Variants in CCDC157 observed in about 807,000 individuals in gnomAD.
CCDC157 encodes the protein coiled-coil domain containing 157.
Under a neutral mutation model 70.9 loss-of-function variants are expected in CCDC157, and 60 were observed. The ratio of observed to expected loss-of-function variants is 0.85; its 90% CI spans 0.69 to 1.05. The LOEUF is 1.05. Among genes scored for constraint, CCDC157 ranks in the 50% least tolerant of loss-of-function variants. The pLI is 0.00. For synonymous variants in CCDC157, 373 were observed against 422.4 expected (o/e 0.88, Z 1.43); for missense variants, 943 against 984.2 (o/e 0.96, Z 0.56).
rs569921570 is a variant in CCDC157 at position 30,373,655 on chromosome 22, G to A, written c.1394G>A (p.Arg465His). The A allele has an allele frequency of 2.6e-5, 41 of 1,558,542 alleles. No homozygotes were observed. Among genetic ancestry groups the A allele is most frequent in the African/African-American group, 9.5e-5 (7 of 73,600 alleles). The change falls in exon 8 of 12, where the codon CGT (arginine) becomes CAT (histidine). Residue 465 changes from arginine to histidine, a missense_variant. Physicochemically the swap from Arg to His is conservative, Grantham distance 29. Coordinates refer to ENST00000338306, the MANE Select transcript of CCDC157 (RefSeq NM_001017437.5). ...LKQLDSLDQE[R>H]EELRGSLDEA... Reference sequence around the variant, plus strand: ...CAGCTGGACAGCCTGGACCAGGAACGTGAGGAGCTGCGGGGCAGCCTGGAC... The same window carrying A: ...CAGCTGGACAGCCTGGACCAGGAACATGAGGAGCTGCGGGGCAGCCTGGAC...
chr22:30,374,225 G>A (rs532239139), intron 9 of CCDC157, 134 bp downstream of exon 9: 499 of 1,100,796 alleles, frequency 4.5e-4, no homozygotes, highest in Non-Finnish European at 6.1e-4. Flanking sequence ...GGCCAGCAGC[G>A]CAGCCCCTGT....
chr22:30,364,319 C>A (rs1198961401), intron 2 of CCDC157, among the ~76,000 whole-genome samples: 3 of 151,844 alleles, frequency 2.0e-5, no homozygotes, highest in Admixed American at 1.3e-4. Flanking sequence ...GCCTGGGTGA[C>A]AGAGACCATG....
At chr22:30,366,307 G>C in intron 3 of CCDC157, 59 bp downstream of exon 3, 1 of 1,603,240 alleles carries the variant, frequency 6.2e-7, no homozygotes. Context: ...CCTGAAACCA[G>C]TGGCAGCTAC....
At chr22:30,369,917 C>T (rs1206831840) in intron 4 of CCDC157, 6 of 461,388 alleles carry the variant, frequency 1.3e-5, no homozygotes, top group South Asian at 3.6e-5. Flanking sequence ...TGGGCTATCC[C>T]GTAATCCACA....
chr22:30,369,447 T>G lies in CCDC157; in HGVS notation c.264T>G (p.Leu88=). 1 of 1,534,202 alleles carries G rather than the reference T, an allele frequency of 6.5e-7. No homozygotes were observed. Among genetic ancestry groups the G allele is most frequent in the Non-Finnish European group, 8.8e-7 (1 of 1,136,124 alleles). ...ELVIDRLLLL[L]QSCMSYLENL... ...CTGCCCGCAGGCTCCTGCTGCTGCT[T>G]CAAAGCTGTATGAGCTACTTGGAGA... The change falls in exon 4 of 12, where the codon CTT becomes CTG. Residue 88 remains leucine, a synonymous_variant. Transcript: ENST00000338306.
chr22:30,375,957 G>T, intron 10 of CCDC157: 1 of 537,996 alleles, frequency 1.9e-6, no homozygotes, highest in Non-Finnish European at 3.3e-6. Context: ...AGAGGCTGAG[G>T]CGGGCAGATC....
In CCDC157 at chr22:30,370,920, T is replaced by C. The variant is rs1187060506; in HGVS notation, c.1015T>C (p.Trp339Arg). ...GGAGGATGAGCAGTGCCTGTCTGAG[T>C]GGGAGCACGACAAACAGCAGCTGCT... ...AEEDEQCLSE[W>R]EHDKQQLLTE... is the part of the protein sequence containing the mutation. The change falls in exon 5 of 12, where the codon TGG becomes CGG. Residue 339 changes from tryptophan (W) to arginine (R), a missense_variant. Physicochemically the swap from Trp to Arg is moderately radical, Grantham distance 101. Transcript: ENST00000338306. 1 of 1,610,100 alleles carries C rather than the reference T, an allele frequency of 6.2e-7. No homozygotes were observed. The highest frequency in any genetic ancestry group is 2.2e-5 in the East Asian group (1 of 44,830).
intron 5 of CCDC157, chr22:30,371,381 G>T: frequency 1.9e-6 from 1 of 536,818 alleles, no homozygotes; most frequent in South Asian, 2.5e-5. Flanking sequence ...GAGGCCTGAG[G>T]GATTTGCCCT....
At chr22:30,364,957 T>C (rs1045778432) in intron 2 of CCDC157, among the ~76,000 whole-genome samples, 1 of 152,228 alleles carries the variant, frequency 6.6e-6, no homozygotes, top group Non-Finnish European at 1.5e-5. Flanking sequence ...TGCGATTCTT[T>C]TTCTTTTCTC....
chr22:30,361,451 C>T (rs2037572073), intron 1 of CCDC157, among the ~76,000 whole-genome samples: 1 of 151,840 alleles, frequency 6.6e-6, no homozygotes, highest in Non-Finnish European at 1.5e-5. Flanking sequence ...TTCCTGGCGG[C>T]CTGCTTCAGA....
At chr22:30,371,333 G>T (rs1601737561) in intron 5 of CCDC157, 1 of 501,390 alleles carries the variant, frequency 2.0e-6, no homozygotes, top group Non-Finnish European at 3.6e-6. Context: ...TAGAGACAAA[G>T]TTCCTGGCAC....
chr22:30,363,127 A>G (rs1052233523), intron 2 of CCDC157, among the ~76,000 whole-genome samples: 1 of 152,168 alleles, frequency 6.6e-6, no homozygotes, highest in Non-Finnish European at 1.5e-5. Context: ...CTCTGAAACC[A>G]GCTGCCAGCT....
intron 8 of CCDC157, 57 bp from the exon 9 acceptor site, chr22:30,373,866 G>GC: frequency 6.4e-7 from 1 of 1,557,356 alleles, no homozygotes; most frequent in African/African-American, 1.4e-5. Flanking sequence ...GTGCCCCAGG[G>GC]CGCTGAGTAC....
chr22:30,378,611 A>C lies in CCDC157; in HGVS notation c.*1866A>C, dbSNP rs913203938. 3 of 152,308 alleles carry C rather than the reference A, an allele frequency of 2.0e-5. No homozygotes were observed. The highest frequency in any genetic ancestry group is 1.3e-4 in the Admixed American group (2 of 15,288). The allele number at this position is 152,308 out of a possible 1,614,324, so 9.4% of individuals were successfully genotyped here. ...CCATTGCACTCCAGCCTGGGCAACA[A>C]GAGTGAAACTCCATCTCAAGAAATA... On this transcript the variant is annotated 3_prime_UTR_variant, in exon 12 of 12. Coordinates refer to ENST00000338306, the MANE Select transcript of CCDC157 (RefSeq NM_001017437.5).
rs1569187443 is a variant in CCDC157, at chr22:30,369,600, CCAGGTGGGTCCCAGCCTCTGTCT to C, written c.420+8_420+30del. ...GCACGCTCCACCAGCAGCCACTCCC[CCAGGTGGGTCCCAGCCTCTGTCT>C]CAGGTGGGTCAGCCTCAGCCTCTAT... On this transcript the variant is annotated splice_donor_variant and splice_donor_5th_base_variant and coding_sequence_variant and intron_variant, in exon 4 of 12. Transcript: ENST00000338306. LOFTEE classifies it high-confidence loss of function. 1.9e-6 allele frequency: 3 copies of C among 1,550,880 alleles called. No individual in the cohort carries two copies. The highest frequency in any genetic ancestry group is 1.7e-6 in the Non-Finnish European group (2 of 1,151,390).
chr22:30,356,749 A>G, upstream of CCDC157: 1 of 1,492,532 alleles, frequency 6.7e-7, no homozygotes, highest in Admixed American at 2.2e-5. Flanking sequence ...CTCCGTGGGC[A>G]CGGGCGGCGG....
In CCDC157 at chr22:30,378,302, T is replaced by C; in HGVS notation, c.*1557T>C. 1 of 382,058 alleles carries C rather than the reference T, an allele frequency of 2.6e-6. No homozygotes were observed. The highest frequency in any genetic ancestry group is 3.0e-5 in the Admixed American group (1 of 33,168). 23.7% of individuals were successfully genotyped at this position (382,058 alleles called of 1,614,324 possible). On this transcript the variant is annotated 3_prime_UTR_variant, in exon 12 of 12. Coordinates refer to ENST00000338306, the MANE Select transcript of CCDC157 (RefSeq NM_001017437.5). ...TACTTTCCCTATCTTCAGGTCAGCTTGCTATAAGACAGAACCCAACCATGG... is the reference window on the plus strand; with the variant it reads ...TACTTTCCCTATCTTCAGGTCAGCTCGCTATAAGACAGAACCCAACCATGG...
intron 3 of CCDC157, chr22:30,366,584 C>G (rs1932751045): frequency 2.7e-6 from 1 of 367,874 alleles, no homozygotes; most frequent in Admixed American, 4.0e-5. Context: ...ATGTTGGGGA[C>G]CCCATAGTTG....
chr22:30,364,654 T>C (rs1047333950), intron 2 of CCDC157, among the ~76,000 whole-genome samples: 1 of 151,714 alleles, frequency 6.6e-6, no homozygotes, highest in African/African-American at 2.4e-5. Context: ...ACTGCAAAAA[T>C]TAGCCAGGCG....
Sources: allele counts gnomAD v4.1 joint callset (sites outside exome capture counted in the v4.1 genomes callset), GRCh38; gene constraint gnomAD v4.1.1; transcripts MANE v1.5; gene names NCBI Gene and HGNC (gene_info 2026-07-23, HGNC 2026-07-21).